EDEM3: variants seen among roughly 807,000 people sequenced by gnomAD.
The protein encoded by EDEM3 is ER degradation enhancing alpha-mannosidase like protein 3.
Under a neutral mutation model 110.2 loss-of-function variants are expected in EDEM3, and 60 were observed. The observed-to-expected ratio is 0.54, with a 90% CI of 0.44 to 0.67. EDEM3 has a LOEUF of 0.67. EDEM3 is among the 30% of genes least tolerant of loss of function. The probability of loss-of-function intolerance (pLI) is 0.00; values close to 1 mark genes in which losing one functional copy is unlikely to be tolerated. For synonymous variants in EDEM3, 352 were observed against 382.9 expected (o/e 0.92, Z 0.94); for missense variants, 996 against 1,121.0 (o/e 0.89, Z 1.59).
In EDEM3 at chr1:184,703,614, C is replaced by T. The variant is rs1237941422; in HGVS notation, c.2204-618G>A. ...AGTAGAACTATTAATAGTAGTAGTA[C>T]CAGCAACATGCTGTTTTACTGAAGA... On this transcript the variant is annotated intron_variant, in intron 18 of 19. Transcript: ENST00000318130. Among the ~76,000 whole-genome samples the T allele has an allele frequency of 1.3e-5, 2 of 152,136 alleles. 1 individual carries two copies. The highest frequency in any genetic ancestry group is 4.1e-4 in the South Asian group (2 of 4,826).
intron 4 of EDEM3, 103 bp from the exon 5 acceptor site, chr1:184,734,746 A>G (rs941809674): frequency 2.6e-6 from 1 of 377,882 alleles, no homozygotes; most frequent in African/African-American, 2.1e-5. Flanking sequence ...AACTCTAAAA[A>G]GTGACATACA....
chr1:184,749,122 G>A (rs1179665995), intron 2 of EDEM3, among the ~76,000 whole-genome samples: 2 of 152,158 alleles, frequency 1.3e-5, no homozygotes, highest in Non-Finnish European at 2.9e-5. Context: ...CAGAGTCCAT[G>A]AGGATACAAT....
chr1:184,716,232 G>A (rs1650538309), intron 13 of EDEM3, among the ~76,000 whole-genome samples: 1 of 152,130 alleles, frequency 6.6e-6, no homozygotes, highest in South Asian at 2.1e-4. Context: ...TGGCACATAA[G>A]GGGCCTCAGT....
chr1:184,705,961 G>A (rs1387952483), intron 18 of EDEM3, among the ~76,000 whole-genome samples: 2 of 152,078 alleles, frequency 1.3e-5, no homozygotes, highest in African/African-American at 4.8e-5. Context: ...TGTCATTTCG[G>A]TAGAAAAAGA....
intron 19 of EDEM3, among the ~76,000 whole-genome samples, chr1:184,701,955 A>T (rs1363010724): frequency 6.6e-6 from 1 of 152,084 alleles, no homozygotes; most frequent in Non-Finnish European, 1.5e-5. Flanking sequence ...AGTTTCCTAC[A>T]TATCTGTCAA....
chr1:184,723,501 A>G (rs1651013901), intron 8 of EDEM3, among the ~76,000 whole-genome samples: 1 of 151,932 alleles, frequency 6.6e-6, no homozygotes, highest in African/African-American at 2.4e-5. Flanking sequence ...AATAAATTAT[A>G]GCGTTTCATC....
rs187626495 is a variant in EDEM3 at position 184,716,998 on chromosome 1, A to G, written c.1260T>C (p.Pro420=). The G allele has an allele frequency of 3.4e-5, 54 of 1,611,168 alleles. No individual in the cohort carries two copies. In the East Asian group the frequency reaches 1.2e-3, roughly 35 times the overall value. Residue 420 remains proline (P), a synonymous_variant, in exon 13 of 20, where the codon CCT becomes CCC. Transcript: ENST00000318130. ...GTGTCTTCCCTACTTCAAGGTAGTA[A>G]GGATCTCCTGTAGCCTATTAAAAAG... ...TYFLYKATGD[P]YYLEVGKTLI...
Position 184,710,474 on chromosome 1 carries a change from A to T in EDEM3, c.1765T>A (p.Leu589Ile). 1 of 1,613,924 alleles carries T rather than the reference A, an allele frequency of 6.2e-7. No individual in the cohort carries two copies. Among genetic ancestry groups the T allele is most frequent in the South Asian group, 1.1e-5 (1 of 91,084 alleles). The change falls in exon 16 of 20, where the codon TTA becomes ATA. Residue 589 changes from leucine (L) to isoleucine (I), a missense_variant. Leu to Ile is a conservative substitution (Grantham distance 5, BLOSUM62 2). Transcript: ENST00000318130. ...ACCCCCATCTTCTTCAGGATTTCTA[A>T]ATGCTCAGGGTTAGTGGCCATGAAA... ...RDFMATNPEH[L>I]EILKKMGVSL...
At chr1:184,748,025 G>T (rs1447114453) in intron 2 of EDEM3, among the ~76,000 whole-genome samples, 4 of 152,170 alleles carry the variant, frequency 2.6e-5, no homozygotes, top group Non-Finnish European at 4.4e-5. Context: ...GTATAGGATG[G>T]AACCACTTGG....
intron 2 of EDEM3, among the ~76,000 whole-genome samples, chr1:184,743,700 A>G (rs1652264001): frequency 6.6e-6 from 1 of 152,152 alleles, no homozygotes; most frequent in Non-Finnish European, 1.5e-5. Flanking sequence ...CTATTAAACT[A>G]CAATAATCAG....
intron 1 of EDEM3, among the ~76,000 whole-genome samples, chr1:184,751,017 C>T (rs1441406231): frequency 6.9e-6 from 1 of 145,838 alleles, no homozygotes; most frequent in Non-Finnish European, 1.5e-5. Context: ...ACTATGAACA[C>T]CAACAAAATC....
intron 2 of EDEM3, among the ~76,000 whole-genome samples, chr1:184,740,478 T>C (rs1652075549): frequency 6.6e-6 from 1 of 152,206 alleles, no homozygotes; most frequent in Non-Finnish European, 1.5e-5. Context: ...AATCACTATG[T>C]AAATAACATG....
chr1:184,709,933 C>A (rs1650134130), intron 16 of EDEM3, among the ~76,000 whole-genome samples: 1 of 152,054 alleles, frequency 6.6e-6, no homozygotes, highest in African/African-American at 2.4e-5. Context: ...AAAAATTTCT[C>A]AAAAAGACAT....
chr1:184,693,850 G>T lies in EDEM3; in HGVS notation c.*213C>A. 1 of 517,736 alleles carries T rather than the reference G, an allele frequency of 1.9e-6. No homozygotes were observed. The highest frequency in any genetic ancestry group is 3.4e-6 in the Non-Finnish European group (1 of 295,416). 32.1% of individuals were successfully genotyped at this position (517,736 alleles called of 1,614,324 possible). On this transcript the variant is annotated 3_prime_UTR_variant, in exon 20 of 20. Transcript: ENST00000318130. ...GTGCTGCATTTGAAGGGGGAACTGTGGATTTCCATTTTTGATGGGACAGTT... is the reference window on the plus strand; with the variant it reads ...GTGCTGCATTTGAAGGGGGAACTGTTGATTTCCATTTTTGATGGGACAGTT...
chr1:184,720,276 T>G (rs1167758557), intron 9 of EDEM3, among the ~76,000 whole-genome samples: 2 of 152,122 alleles, frequency 1.3e-5, no homozygotes, highest in African/African-American at 4.8e-5. Flanking sequence ...CTAATTTTTT[T>G]TTTGCAAATT....
At chr1:184,722,093 A>C (rs188254047) in intron 8 of EDEM3, among the ~76,000 whole-genome samples, 1 of 152,146 alleles carries the variant, frequency 6.6e-6, no homozygotes, top group Admixed American at 6.5e-5. Flanking sequence ...TAAATGCATT[A>C]AGCCTTCTCT....
chr1:184,735,266 C>A (rs1000434974), intron 4 of EDEM3, among the ~76,000 whole-genome samples: 1 of 152,146 alleles, frequency 6.6e-6, no homozygotes, highest in African/African-American at 2.4e-5. Context: ...AATACCTACT[C>A]TTATAGGGTT....
rs764578317 is a variant in EDEM3 at position 184,702,934 on chromosome 1, C to T, written c.2266G>A (p.Asp756Asn). 1 of 1,613,442 alleles carries T rather than the reference C, an allele frequency of 6.2e-7. No homozygotes were observed. The highest frequency in any genetic ancestry group is 1.1e-5 in the South Asian group (1 of 91,038). The stretch of plus-strand genomic sequence containing the variant: ...ATGGGGATCTTGATGTCATCTGTAT[C>T]CTTTCCATCACCTGCCATCTGGAAC... ...PLFQMAGDGK[D>N]TDDIKIPMLF... The change falls in exon 19 of 20, where the codon GAT becomes AAT. Residue 756 changes from aspartate to asparagine, a missense_variant. By Grantham distance (23) the Asp-to-Asn change is conservative (BLOSUM62 1). Coordinates refer to ENST00000318130, the MANE Select transcript of EDEM3 (RefSeq NM_025191.4).
At chr1:184,754,458 G>T in intron 1 of EDEM3, 31 bp downstream of exon 1, 1 of 1,612,464 alleles carries the variant, frequency 6.2e-7, no homozygotes, top group Non-Finnish European at 8.5e-7. Flanking sequence ...GCCTCACCGA[G>T]AAACCCACCC....
Sources: allele counts gnomAD v4.1 joint callset (sites outside exome capture counted in the v4.1 genomes callset), GRCh38; gene constraint gnomAD v4.1.1; transcripts MANE v1.5; gene names NCBI Gene and HGNC (gene_info 2026-07-23, HGNC 2026-07-21).